Variants in AP4E1 observed in about 807,000 individuals in gnomAD.
AP4E1 encodes AP-4 complex subunit epsilon-1.
A neutral mutation model predicts 128.2 loss-of-function variants in AP4E1; 56 were observed. The observed-to-expected ratio is 0.44, with a 90% confidence interval of 0.35 to 0.55. AP4E1 has a LOEUF of 0.55. AP4E1 is among the 20% of genes least tolerant of loss of function. The pLI is 0.00. For missense variants in AP4E1, 1,324 were observed against 1,307.7 expected, an observed-to-expected ratio of 1.01 and a Z score of -0.19; for synonymous variants, 484 against 473.1, an observed-to-expected ratio of 1.02 and a Z score of -0.30.
chr15:50,933,800 T>C (rs1044238514), intron 7 of AP4E1, among the ~76,000 whole-genome samples: 1 of 152,192 alleles, frequency 6.6e-6, no homozygotes, highest in Admixed American at 6.5e-5. Flanking sequence ...AATTAATTTA[T>C]ATAGTCCCAA....
intron 14 of AP4E1, among the ~76,000 whole-genome samples, chr15:50,961,778 A>G (rs1218584164): frequency 6.6e-6 from 1 of 152,040 alleles, no homozygotes; most frequent in Non-Finnish European, 1.5e-5. Flanking sequence ...AGAAAGAAAT[A>G]AAGGGATCTA....
At chr15:50,953,444 T>A (rs987216976) in intron 13 of AP4E1, among the ~76,000 whole-genome samples, 4 of 152,192 alleles carry the variant, frequency 2.6e-5, no homozygotes, top group African/African-American at 9.7e-5. Flanking sequence ...AGTTTTAAAT[T>A]ATGTGCTGTC....
rs1195052914 is a variant in AP4E1 at position 50,941,771 on chromosome 15, G to C, written c.1172G>C (p.Arg391Thr). ...CLDHPDPIIK[R>T]ETLELLYRIT... is the part of the protein sequence containing the mutation. ...GATCATCCTGATCCCATTATTAAAA[G>C]AGAGGTAAACTGGTATTTTGAATAG... is the stretch of plus-strand genomic sequence containing the variant. The change falls in exon 10 of 21, where the codon AGA (arginine) becomes ACA (threonine). Residue 391 changes from arginine (R) to threonine (T), a missense_variant. Transcript: ENST00000261842. 2.5e-6 allele frequency: 4 copies of C among 1,605,754 alleles called. No individual in the cohort carries two copies. The highest frequency in any genetic ancestry group is 3.4e-6 in the Non-Finnish European group (4 of 1,172,712).
At position 50,958,631 on chromosome 15, in the gene AP4E1, C is replaced by T. The variant is rs1165477384; in HGVS notation, c.1688C>T (p.Ser563Phe). 3.7e-6 allele frequency: 6 copies of T among 1,614,148 alleles called. No homozygotes were observed. Among genetic ancestry groups the T allele is most frequent in the Non-Finnish European group, 5.1e-6 (6 of 1,180,008 alleles). The change falls in exon 14 of 21, where the codon TCT becomes TTT. Residue 563 changes from serine (S) to phenylalanine (F), a missense_variant. Coordinates refer to ENST00000261842, the MANE Select transcript of AP4E1 (RefSeq NM_007347.5). ...WLIAAVTKLTSQAHSSNTVER... is the reference protein window; with the variant it reads ...WLIAAVTKLTFQAHSSNTVER... The stretch of plus-strand genomic sequence containing the variant: ...ATTGCTGCTGTGACCAAATTGACAT[C>T]TCAGGCGCACTCTTCTAATACAGTT...
chr15:50,947,103 AAAAG>A (rs1191553567), intron 10 of AP4E1, among the ~76,000 whole-genome samples: 1 of 151,896 alleles, frequency 6.6e-6, no homozygotes, highest in Non-Finnish European at 1.5e-5. Flanking sequence ...CTCAAGAAAA[AAAAG>A]AAAAGAAAAG....
chr15:50,986,678 AT>A (rs2064728494), intron 16 of AP4E1, among the ~76,000 whole-genome samples: 1 of 152,150 alleles, frequency 6.6e-6, no homozygotes, highest in Non-Finnish European at 1.5e-5. Context: ...ATGGTGGATA[AT>A]CTTTTTGATG....
chr15:50,974,776 T>G (rs565507455), intron 15 of AP4E1, among the ~76,000 whole-genome samples: 1 of 152,298 alleles, frequency 6.6e-6, no homozygotes, highest in East Asian at 1.9e-4. Flanking sequence ...AATAGTAACC[T>G]TGAGCATTTT....
intron 15 of AP4E1, among the ~76,000 whole-genome samples, chr15:50,975,967 AG>A (rs2064544827): frequency 1.3e-5 from 2 of 152,078 alleles, no homozygotes; most frequent in African/African-American, 4.8e-5. Context: ...AGAGAGAGAG[AG>A]AGAGAGAGAG....
At position 50,915,492 on chromosome 15, in the gene AP4E1, G is replaced by C. The variant is rs1195259322; in HGVS notation, c.267G>C (p.Met89Ile). 1 of 1,613,512 alleles carries C rather than the reference G, an allele frequency of 6.2e-7. No homozygotes were observed. Among genetic ancestry groups the C allele is most frequent in the Non-Finnish European group, 8.5e-7 (1 of 1,179,658 alleles). Residue 89 changes from methionine (M) to isoleucine (I), a missense_variant, in exon 3 of 21, where the codon ATG becomes ATC. Physicochemically the swap from Met to Ile is conservative, Grantham distance 10. Coordinates refer to ENST00000261842, the MANE Select transcript of AP4E1 (RefSeq NM_007347.5). Reference sequence around the variant, plus strand: ...TGGTGAGACTTATATATTGTGAAATGCTTGGATATGATGCTTCCTTTGGCT... The same window carrying C: ...TGGTGAGACTTATATATTGTGAAATCCTTGGATATGATGCTTCCTTTGGCT... ...ECMVRLIYCE[M>I]LGYDASFGYI...
In AP4E1 at chr15:51,001,134, A is replaced by G; in HGVS notation, c.3204A>G (p.Ala1068=). 2.5e-6 allele frequency: 4 copies of G among 1,613,772 alleles called. No homozygotes were observed. The highest frequency in any genetic ancestry group is 3.4e-6 in the Non-Finnish European group (4 of 1,179,804). Residue 1068 remains alanine (A), a synonymous_variant, in exon 20 of 21, where the codon GCA becomes GCG. Transcript: ENST00000261842. ...MSESQAALPS[A]LKTLQQKLRL... is the part of the protein sequence containing the mutation. The stretch of plus-strand genomic sequence containing the variant: ...AATCTCAAGCTGCACTTCCTTCTGC[A>G]CTAAAGACTCTGCAACAGAAACTAA...
intron 14 of AP4E1, among the ~76,000 whole-genome samples, chr15:50,963,186 A>T (rs559711294): frequency 6.6e-6 from 1 of 151,610 alleles, no homozygotes; most frequent in Admixed American, 6.5e-5. Context: ...CAGCACAGAG[A>T]GTTTTCAAAA....
At chr15:50,949,412 CAA>C (rs55857377) in intron 11 of AP4E1, among the ~76,000 whole-genome samples, 32 of 70,372 alleles carry the variant, frequency 4.5e-4, no homozygotes, top group East Asian at 4.6e-4. Flanking sequence ...GATTCTGCCT[CAA>C]AAAAAAAAAA....
chr15:50,950,389 G>C (rs542168782), intron 13 of AP4E1, among the ~76,000 whole-genome samples: 89 of 151,960 alleles, frequency 5.9e-4, no homozygotes, highest in African/African-American at 1.8e-3. Flanking sequence ...TTGTCTCTTT[G>C]TGTTTACAAT....
At position 50,908,874 on chromosome 15, in the gene AP4E1, C is replaced by A. The variant is rs1407642781; in HGVS notation, c.96C>A (p.Phe32Leu). Residue 32 changes from phenylalanine to leucine, a missense_variant, in exon 1 of 21, where the codon TTC becomes TTA. Phe to Leu is a conservative substitution (Grantham distance 22). Coordinates refer to ENST00000261842, the MANE Select transcript of AP4E1 (RefSeq NM_007347.5). ...GGGPAAAKAS[F>L]SSRLGSLVRG... ...GGCCCGCGGCCGCCAAGGCGTCCTT[C>A]TCCTCGAGGCTGGGCAGCCTTGTCC... The A allele has an allele frequency of 1.9e-6, 3 of 1,610,232 alleles. No individual in the cohort carries two copies. Among genetic ancestry groups the A allele is most frequent in the Non-Finnish European group, 2.5e-6 (3 of 1,179,194 alleles).
chr15:50,952,446 G>T (rs1596479883), intron 13 of AP4E1, among the ~76,000 whole-genome samples: 2 of 150,588 alleles, frequency 1.3e-5, no homozygotes, highest in African/African-American at 4.9e-5. Flanking sequence ...GGAGGCGGAG[G>T]TTGCAGTGAA....
rs578154448 is a variant in AP4E1, at chr15:51,005,572, A to T, written c.*2910A>T. On this transcript the variant is annotated 3_prime_UTR_variant, in exon 21 of 21. Coordinates refer to ENST00000261842, the MANE Select transcript of AP4E1 (RefSeq NM_007347.5). ...GTCCTGTAGAGGAGCATTATTTTAA[A>T]CAATGTTCTACTATCATCTACCAAA... The T allele has an allele frequency of 2.0e-5, 3 of 152,696 alleles. No homozygotes were observed. The highest frequency in any genetic ancestry group is 7.2e-5 in the African/African-American group (3 of 41,572). The allele number at this position is 152,696 out of a possible 1,614,324, so 9.5% of individuals were successfully genotyped here.
chr15:50,953,175 C>T (rs954472398), intron 13 of AP4E1, among the ~76,000 whole-genome samples: 1 of 152,218 alleles, frequency 6.6e-6, no homozygotes, highest in Non-Finnish European at 1.5e-5. Context: ...ATCTTTTCCT[C>T]AGCTATCTTC....
At chr15:50,968,638 A>T (rs554268300) in intron 15 of AP4E1, among the ~76,000 whole-genome samples, 3 of 152,060 alleles carry the variant, frequency 2.0e-5, no homozygotes, top group South Asian at 2.1e-4. Flanking sequence ...TTATTTATTT[A>T]TTTTTTGAGA....
chr15:50,924,373 T>G (rs1464895772), intron 4 of AP4E1, among the ~76,000 whole-genome samples: 1 of 152,108 alleles, frequency 6.6e-6, no homozygotes, highest in East Asian at 1.9e-4. Flanking sequence ...ACTGGGTAAA[T>G]GAAGTCTTTA....
Sources: allele counts gnomAD v4.1 joint callset (sites outside exome capture counted in the v4.1 genomes callset), GRCh38; gene constraint gnomAD v4.1.1; transcripts MANE v1.5; gene names NCBI Gene and HGNC (gene_info 2026-07-23, HGNC 2026-07-21).